Variants in COG5 observed in about 807,000 individuals in gnomAD.
The protein encoded by COG5 is component of oligomeric golgi complex 5.
Under a neutral mutation model 110.4 loss-of-function variants are expected in COG5, and 86 were observed. The observed-to-expected ratio is 0.78, with a 90% CI of 0.65 to 0.93. The LOEUF (loss-of-function observed/expected upper bound fraction) is 0.93. Ranked by LOEUF, COG5 falls within the 40% of genes least tolerant of loss-of-function variation. The pLI, the probability that COG5 is intolerant of heterozygous loss-of-function variation, is 0.00. For missense variants in COG5, 1,077 were observed against 987.0 expected (o/e 1.09, Z -1.22); for synonymous variants, 360 against 334.6 (o/e 1.08, Z -0.83).
At chr7:107,449,077 C>T (rs181438501) in intron 6 of COG5, among the ~76,000 whole-genome samples, 30 of 151,886 alleles carry the variant, frequency 2.0e-4, no homozygotes, top group African/African-American at 7.0e-4. Flanking sequence ...AACTGTAGTA[C>T]GAAAATCAAA....
intron 8 of COG5, among the ~76,000 whole-genome samples, chr7:107,370,275 T>A (rs1237011599): frequency 6.6e-6 from 1 of 152,102 alleles, no homozygotes; most frequent in African/African-American, 2.4e-5. Context: ...AATCCTATTA[T>A]TTTTAAAATT....
At chr7:107,543,836 C>T (rs7811406) in intron 5 of COG5, among the ~76,000 whole-genome samples, 1,717 of 152,314 alleles carry the variant, frequency 0.011, 30 homozygotes, top group African/African-American at 0.038. Flanking sequence ...GTTCAGGCTC[C>T]TCTGGCAGAG....
chr7:107,242,348 G>A (rs1379322416), intron 17 of COG5, among the ~76,000 whole-genome samples: 1 of 152,198 alleles, frequency 6.6e-6, no homozygotes, highest in African/African-American at 2.4e-5. Context: ...GTAACTCCAA[G>A]CACTGGAAAA....
intron 10 of COG5, among the ~76,000 whole-genome samples, chr7:107,349,928 T>A (rs149542824): frequency 6.6e-6 from 1 of 152,042 alleles, no homozygotes; most frequent in South Asian, 2.1e-4. Context: ...CTGAACTCAA[T>A]TGACCCAACC....
intron 10 of COG5, among the ~76,000 whole-genome samples, chr7:107,355,604 T>C (rs191846594): frequency 1.2e-4 from 19 of 152,298 alleles, no homozygotes; most frequent in African/African-American, 4.6e-4. Context: ...AGAAGAAAAC[T>C]ACCAAACCAA....
chr7:107,204,935 A>G (rs182448619), intron 21 of COG5, among the ~76,000 whole-genome samples: 254 of 152,228 alleles, frequency 1.7e-3, no homozygotes, highest in African/African-American at 5.9e-3. Context: ...GGCACCATCA[A>G]CTTAAGGTCT....
At position 107,311,768 on chromosome 7, in the gene COG5, G is replaced by GCCTTT. The variant is rs576353631; in HGVS notation, c.1108+12671_1108+12672insAAAGG. On this transcript the variant is annotated intron_variant, in intron 11 of 21. Coordinates refer to ENST00000297135, the MANE Select transcript of COG5 (RefSeq NM_006348.5). Reference sequence around the variant, plus strand: ...CTTTTTATATAATAGAGATACTAATGCCTTACCTTTAGTGTTAATTAAAAA... The same window carrying GCCTTT: ...CTTTTTATATAATAGAGATACTAATGCCTTTCCTTACCTTTAGTGTTAATTAAAAA... 9.8e-3 allele frequency among the ~76,000 whole-genome samples: 1,492 copies of GCCTTT among 151,910 alleles called. 14 individuals are homozygous for GCCTTT. The highest frequency in any genetic ancestry group is 0.016 in the Non-Finnish European group (1,056 of 67,942).
Position 107,203,445 on chromosome 7 carries a change from T to A in COG5, c.*71A>T. 1 of 959,138 alleles carries A rather than the reference T, an allele frequency of 1.0e-6. No homozygotes were observed. The highest frequency in any genetic ancestry group is 1.7e-6 in the Non-Finnish European group (1 of 583,076). The allele number at this position is 959,138 out of a possible 1,614,324, so 59.4% of individuals were successfully genotyped here. ...AAAATAGTAGATAGTAGCAGTCTTT[T>A]GGAGTATGTGTTTAACTGCCAACTA... is the stretch of plus-strand genomic sequence containing the variant. On this transcript the variant is annotated 3_prime_UTR_variant, in exon 22 of 22. Transcript: ENST00000297135.
intron 10 of COG5, among the ~76,000 whole-genome samples, chr7:107,338,109 T>A (rs997567760): frequency 6.6e-6 from 1 of 152,050 alleles, no homozygotes; most frequent in African/African-American, 2.4e-5. Context: ...ATTTTTGTGC[T>A]GAAGAAATCT....
chr7:107,263,850 A>G (rs962441660), intron 14 of COG5, among the ~76,000 whole-genome samples: 1 of 152,172 alleles, frequency 6.6e-6, no homozygotes, highest in Admixed American at 6.5e-5. Flanking sequence ...TTTTTATATA[A>G]CTGTTAATCT....
intron 6 of COG5, among the ~76,000 whole-genome samples, chr7:107,433,467 G>C (rs1308177212): frequency 2.6e-5 from 4 of 152,138 alleles, no homozygotes; most frequent in Admixed American, 1.3e-4. Flanking sequence ...GTCTGGTACT[G>C]GCATAAAGAC....
At chr7:107,530,607 A>C (rs1241999935) in intron 5 of COG5, among the ~76,000 whole-genome samples, 1 of 150,600 alleles carries the variant, frequency 6.6e-6, no homozygotes, top group Non-Finnish European at 1.5e-5. Flanking sequence ...ATCTCAAAAA[A>C]AAAAAAAAAA....
At chr7:107,348,608 TTGATA>T (rs764179127) in intron 10 of COG5, among the ~76,000 whole-genome samples, 78 of 152,278 alleles carry the variant, frequency 5.1e-4, no homozygotes, top group African/African-American at 1.8e-3. Flanking sequence ...ATTTTCTAAT[TTGATA>T]TAATTTTGAA....
chr7:107,346,971 T>C (rs548545503), intron 10 of COG5, among the ~76,000 whole-genome samples: 8 of 152,304 alleles, frequency 5.3e-5, no homozygotes, highest in East Asian at 3.9e-4. Flanking sequence ...AACTTTAAGA[T>C]TGAGAAAGTG....
intron 13 of COG5, among the ~76,000 whole-genome samples, chr7:107,281,793 G>C (rs1805190703): frequency 6.6e-6 from 1 of 152,106 alleles, no homozygotes; most frequent in South Asian, 2.1e-4. Context: ...AAGGGACATA[G>C]GCTAAAAATA....
chr7:107,353,478 A>T (rs1812358223), intron 10 of COG5, among the ~76,000 whole-genome samples: 1 of 151,904 alleles, frequency 6.6e-6, no homozygotes, highest in Non-Finnish European at 1.5e-5. Context: ...AATAATATTC[A>T]ACGTTAAAAT....
At chr7:107,289,182 T>A (rs1316231979) in intron 12 of COG5, among the ~76,000 whole-genome samples, 1 of 151,732 alleles carries the variant, frequency 6.6e-6, no homozygotes, top group African/African-American at 2.4e-5. Context: ...CCATTTTGAG[T>A]TAATTTTTGT....
intron 10 of COG5, among the ~76,000 whole-genome samples, chr7:107,340,853 A>C (rs778485991): frequency 2.4e-4 from 36 of 152,168 alleles, no homozygotes; most frequent in Non-Finnish European, 4.1e-4. Flanking sequence ...AATCTTCAAG[A>C]AACTGGGTAT....
At chr7:107,229,463 T>A (rs1800608183) in intron 19 of COG5, among the ~76,000 whole-genome samples, 1 of 152,082 alleles carries the variant, frequency 6.6e-6, no homozygotes, top group African/African-American at 2.4e-5. Context: ...ACAAAATATC[T>A]TCTTCTGTTT....
Sources: allele counts gnomAD v4.1 joint callset (sites outside exome capture counted in the v4.1 genomes callset), GRCh38; gene constraint gnomAD v4.1.1; transcripts MANE v1.5; gene names NCBI Gene and HGNC (gene_info 2026-07-23, HGNC 2026-07-21).